The following CFAP58 variants were observed in gnomAD, a reference collection of about 807,000 sequenced individuals.
CFAP58 encodes cilia and flagella associated protein 58, also known as cilia- and flagella-associated protein 58.
A neutral mutation model predicts 119.5 loss-of-function variants in CFAP58; 88 were observed. That is an observed-to-expected ratio of 0.74 (90% CI 0.62 to 0.88). CFAP58 has a LOEUF of 0.88. Ranked by LOEUF, CFAP58 falls within the 40% of genes least tolerant of loss-of-function variation. The pLI is 0.00. For synonymous variants in CFAP58, 365 were observed against 366.3 expected, an observed-to-expected ratio of 1.00 and a Z score of 0.04; for missense variants, 990 against 1,021.2, an observed-to-expected ratio of 0.97 and a Z score of 0.42.
At chr10:104,410,671 T>G (rs975060110) in intron 15 of CFAP58, among the ~76,000 whole-genome samples, 2 of 152,118 alleles carry the variant, frequency 1.3e-5, no homozygotes, top group African/African-American at 4.8e-5. Context: ...TCTTTGCCTT[T>G]GATGTTTCAG....
intron 15 of CFAP58, among the ~76,000 whole-genome samples, chr10:104,433,937 C>A (rs2012891193): frequency 6.6e-6 from 1 of 152,198 alleles, no homozygotes; most frequent in Admixed American, 6.5e-5. Flanking sequence ...AACCCTCACT[C>A]CCTTGGCTGT....
chr10:104,346,217 C>CTG, the CFAP58 span, among the ~76,000 whole-genome samples: 1 of 152,134 alleles, frequency 6.6e-6, no homozygotes, highest in East Asian at 1.9e-4. Flanking sequence ...CTCATTACCT[C>CTG]TGCACCAAGC....
At chr10:104,364,546 T>C (rs1479781325) in intron 3 of CFAP58, among the ~76,000 whole-genome samples, 187 bp from the exon 4 acceptor site, 1 of 152,048 alleles carries the variant, frequency 6.6e-6, no homozygotes, top group Non-Finnish European at 1.5e-5. Context: ...TTATCATTAG[T>C]ACTTCTTTCC....
chr10:104,360,922 C>A (rs898358719), intron 2 of CFAP58, among the ~76,000 whole-genome samples: 2 of 152,126 alleles, frequency 1.3e-5, no homozygotes, highest in African/African-American at 4.8e-5. Flanking sequence ...TTGTCAATAG[C>A]ACTGTGATGA....
chr10:104,417,211 C>T (rs1423932462), intron 15 of CFAP58, among the ~76,000 whole-genome samples: 4 of 152,376 alleles, frequency 2.6e-5, no homozygotes, highest in South Asian at 4.1e-4. Context: ...TGGAACCCCA[C>T]ACCTCCTGGT....
chr10:104,382,867 A>G (rs2011842366), intron 9 of CFAP58, among the ~76,000 whole-genome samples: 1 of 152,228 alleles, frequency 6.6e-6, no homozygotes, highest in South Asian at 2.1e-4. Context: ...TGAATTACCC[A>G]GTCACAGGGA....
At chr10:104,430,355 C>G (rs1403359785) in intron 15 of CFAP58, among the ~76,000 whole-genome samples, 1 of 152,186 alleles carries the variant, frequency 6.6e-6, no homozygotes, top group East Asian at 1.9e-4. Flanking sequence ...ACAGGCTGAT[C>G]CAGTGATAGT....
At chr10:104,395,210 C>T (rs2012126743) in intron 11 of CFAP58, among the ~76,000 whole-genome samples, 1 of 152,202 alleles carries the variant, frequency 6.6e-6, no homozygotes, top group Admixed American at 6.5e-5. Context: ...CCTCTGCCAT[C>T]AGGTGTCTAC....
chr10:104,438,348 GTTTTTT>G (rs759400382), intron 15 of CFAP58, among the ~76,000 whole-genome samples: 3,699 of 36,668 alleles, frequency 0.1, 297 homozygotes, highest in African/African-American at 0.29. Flanking sequence ...TTTGTTTTTT[GTTTTTT>G]TTTTTTGTTT....
intron 6 of CFAP58, among the ~76,000 whole-genome samples, chr10:104,368,997 C>T (rs914638828): frequency 3.3e-5 from 5 of 152,192 alleles, no homozygotes; most frequent in African/African-American, 1.2e-4. Context: ...ATGATTTTCA[C>T]TTCTGTCCAA....
In CFAP58 at chr10:104,362,676, G is replaced by T. The variant is rs11192023; in HGVS notation, c.440+505G>T. 1.6e-4 allele frequency among the ~76,000 whole-genome samples: 24 copies of T among 152,258 alleles called. No individual in the cohort carries two copies. The East Asian group carries it at 4.4e-3, about 28-fold the overall frequency. Reference sequence around the variant, plus strand: ...TTCTGGTCACCAGTGCTACTGCCTTGGTTCAGGCCTCCTATTCTCTGCCAG... The same window carrying T: ...TTCTGGTCACCAGTGCTACTGCCTTTGTTCAGGCCTCCTATTCTCTGCCAG... On this transcript the variant is annotated intron_variant, in intron 3 of 17. Coordinates refer to ENST00000369704, the MANE Select transcript of CFAP58 (RefSeq NM_001008723.2).
intron 8 of CFAP58, among the ~76,000 whole-genome samples, chr10:104,377,470 T>C (rs765247699): frequency 2.5e-4 from 38 of 152,176 alleles, no homozygotes; most frequent in Non-Finnish European, 3.7e-4. Context: ...CCATTAAATG[T>C]AGGACCCCTC....
intron 2 of CFAP58, among the ~76,000 whole-genome samples, chr10:104,359,657 C>T (rs1037820920): frequency 6.6e-6 from 1 of 151,956 alleles, no homozygotes; most frequent in Admixed American, 6.6e-5. Context: ...ATTAGCTGGG[C>T]GTGGTGGCAT....
chr10:104,425,676 CG>C (rs1482079878), intron 15 of CFAP58, among the ~76,000 whole-genome samples: 1 of 152,130 alleles, frequency 6.6e-6, no homozygotes, highest in Non-Finnish European at 1.5e-5. Context: ...GTGGCAGAGT[CG>C]GGGCCCAAAC....
At chr10:104,365,767 T>C in intron 4 of CFAP58, 47 bp from the exon 5 acceptor site, 10 of 1,514,024 alleles carry the variant, frequency 6.6e-6, no homozygotes, top group Non-Finnish European at 8.0e-6. Context: ...AGACCTGCCA[T>C]GGTCAGGGCT....
At chr10:104,360,526 T>C (rs1162072711) in intron 2 of CFAP58, among the ~76,000 whole-genome samples, 1 of 152,104 alleles carries the variant, frequency 6.6e-6, no homozygotes, top group Non-Finnish European at 1.5e-5. Flanking sequence ...TGCAGGATGT[T>C]ACATAGGTAA....
chr10:104,368,578 T>C lies in CFAP58; in HGVS notation c.930+18T>C, dbSNP rs539036455. The stretch of plus-strand genomic sequence containing the variant: ...AGCTCAAAGTAAACACCAAGTTACA[T>C]GTCTGTTCCCTAGCTCTTTCTTCCT... On this transcript the variant is annotated intron_variant, in intron 6 of 17. Transcript: ENST00000369704. 1 of 1,613,260 alleles carries C rather than the reference T, an allele frequency of 6.2e-7. No individual in the cohort carries two copies. Among genetic ancestry groups the C allele is most frequent in the African/African-American group, 1.3e-5 (1 of 75,028 alleles).
At chr10:104,369,032 ATTC>A (rs1475507552) in intron 6 of CFAP58, among the ~76,000 whole-genome samples, 1 of 152,202 alleles carries the variant, frequency 6.6e-6, no homozygotes, top group African/African-American at 2.4e-5. Flanking sequence ...CAGATTTCCT[ATTC>A]TTCTCCTTGC....
chr10:104,372,604 C>T (rs1360633172), intron 7 of CFAP58, among the ~76,000 whole-genome samples: 3 of 152,164 alleles, frequency 2.0e-5, no homozygotes, highest in Non-Finnish European at 4.4e-5. Context: ...TGTTATGCCA[C>T]AGTCTAGTGT....
Sources: gnomAD v4.1 joint callset for allele counts (sites outside exome capture counted in the v4.1 genomes callset) on GRCh38, gnomAD v4.1.1 for gene constraint, MANE v1.5 for transcripts, NCBI Gene and HGNC (gene_info 2026-07-23, HGNC 2026-07-21) for gene names.